The following ADAM18 variants were observed in gnomAD, a reference collection of about 807,000 sequenced individuals.
ADAM18 encodes the protein ADAM metallopeptidase domain 18.
In ADAM18, 117 loss-of-function variants were observed where a neutral mutation model predicts 94.4. The ratio of observed to expected loss-of-function variants is 1.24; its 90% CI spans 1.07 to 1.45. ADAM18 has a LOEUF of 1.45. Among genes scored for constraint, ADAM18 ranks in the 40% most tolerant of loss-of-function variants. The pLI, the probability that ADAM18 is intolerant of heterozygous loss-of-function variation, is 0.00. For synonymous variants in ADAM18, 327 were observed against 291.6 expected, an observed-to-expected ratio of 1.12 and a Z score of -1.24; for missense variants, 936 against 880.0, an observed-to-expected ratio of 1.06 and a Z score of -0.81.
intron 14 of ADAM18, among the ~76,000 whole-genome samples, chr8:39,670,185 G>A (rs984638132): frequency 6.6e-6 from 1 of 152,020 alleles, no homozygotes; most frequent in Non-Finnish European, 1.5e-5. Flanking sequence ...TTGTAAATTT[G>A]TTTGAGTTCA....
intron 2 of ADAM18, among the ~76,000 whole-genome samples, chr8:39,596,773 T>C (rs1385555555): frequency 6.6e-6 from 1 of 152,232 alleles, no homozygotes; most frequent in Non-Finnish European, 1.5e-5. Flanking sequence ...AGCTGATCTA[T>C]TATTTTGCAT....
At chr8:39,726,484 C>T (rs1431015972) in intron 19 of ADAM18, among the ~76,000 whole-genome samples, 5 of 151,950 alleles carry the variant, frequency 3.3e-5, no homozygotes, top group Admixed American at 3.3e-4. Context: ...TTTGCAAATA[C>T]TTTGTCTCAT....
At chr8:39,599,213 G>T (rs755103179) in intron 2 of ADAM18, among the ~76,000 whole-genome samples, 1 of 152,036 alleles carries the variant, frequency 6.6e-6, no homozygotes, top group African/African-American at 2.4e-5. Context: ...CAAGTGTTGC[G>T]TTACCTTTGC....
At chr8:39,704,046 G>C (rs1328295742) in intron 17 of ADAM18, among the ~76,000 whole-genome samples, 1 of 152,014 alleles carries the variant, frequency 6.6e-6, no homozygotes, top group African/African-American at 2.4e-5. Context: ...CCAATAACAA[G>C]CTCTGAAATT....
chr8:39,606,365 A>G lies in ADAM18; in HGVS notation c.188+3A>G. The G allele has an allele frequency of 6.5e-7, 1 of 1,540,716 alleles. No homozygotes were observed. Among genetic ancestry groups the G allele is most frequent in the Non-Finnish European group, 8.8e-7 (1 of 1,135,624 alleles). On this transcript the variant is annotated splice_donor_region_variant and intron_variant, in intron 3 of 19. Coordinates refer to ENST00000265707, the MANE Select transcript of ADAM18 (RefSeq NM_014237.3). ...TACACTCTACATCTCGGAAAACAGT[A>G]AGATATGATTTTTTTTTCATTAAGG...
At chr8:39,704,602 G>T (rs1585999219) in intron 17 of ADAM18, among the ~76,000 whole-genome samples, 1 of 152,014 alleles carries the variant, frequency 6.6e-6, no homozygotes. Flanking sequence ...TGTTTTGGCT[G>T]GGGGGACCCA....
chr8:39,612,587 C>T (rs889837313), intron 6 of ADAM18, among the ~76,000 whole-genome samples: 9 of 151,986 alleles, frequency 5.9e-5, no homozygotes, highest in Non-Finnish European at 1.3e-4. Flanking sequence ...GCGCTCATAC[C>T]CCAAGGCTCT....
chr8:39,666,149 C>T (rs193000747), intron 13 of ADAM18, among the ~76,000 whole-genome samples: 1 of 152,204 alleles, frequency 6.6e-6, no homozygotes, highest in Non-Finnish European at 1.5e-5. Context: ...GCCATCCTTC[C>T]ACCTCAGCCT....
intron 13 of ADAM18, among the ~76,000 whole-genome samples, chr8:39,664,469 CTGAG>C (rs1340110557): frequency 6.6e-6 from 1 of 152,086 alleles, no homozygotes; most frequent in Non-Finnish European, 1.5e-5. Flanking sequence ...CCCATGGATT[CTGAG>C]TGATGATTCT....
At chr8:39,695,500 T>A (rs1388961060) in intron 17 of ADAM18, among the ~76,000 whole-genome samples, 1 of 151,486 alleles carries the variant, frequency 6.6e-6, no homozygotes, top group Non-Finnish European at 1.5e-5. Context: ...ATGTTGAGCA[T>A]CTTTTATTAC....
At chr8:39,683,827 G>A (rs1276021520) in intron 16 of ADAM18, among the ~76,000 whole-genome samples, 1 of 151,920 alleles carries the variant, frequency 6.6e-6, no homozygotes, top group Non-Finnish European at 1.5e-5. Context: ...CTACTCTGTA[G>A]TTTGTTTTAC....
rs773492784 is a variant in ADAM18 at position 39,648,507 on chromosome 8, T to A, written c.1210T>A (p.Cys404Ser). 4 of 1,605,206 alleles carry A rather than the reference T, an allele frequency of 2.5e-6. No homozygotes were observed. The highest frequency in any genetic ancestry group is 3.4e-6 in the Non-Finnish European group (4 of 1,176,884). Reference sequence around the variant, plus strand: ...TGGGATTTTGGAATCCAATGAAGAATGTGACTGTGGTAATAAAAATGTGAG... The same window carrying A: ...TGGGATTTTGGAATCCAATGAAGAAAGTGACTGTGGTAATAAAAATGTGAG... ...GNGILESNEE[C>S]DCGNKNECQF... Residue 404 changes from cysteine (C) to serine (S), a missense_variant, in exon 12 of 20, where the codon TGT becomes AGT. By Grantham distance (112) the Cys-to-Ser change is moderately radical. Coordinates refer to ENST00000265707, the MANE Select transcript of ADAM18 (RefSeq NM_014237.3).
intron 2 of ADAM18, among the ~76,000 whole-genome samples, chr8:39,603,935 C>T (rs1057001100): frequency 1.3e-5 from 2 of 152,154 alleles, no homozygotes; most frequent in East Asian, 3.8e-4. Flanking sequence ...TTTTGATGTT[C>T]AACCTCACTA....
intron 9 of ADAM18, among the ~76,000 whole-genome samples, chr8:39,638,044 A>G (rs1820133296): frequency 6.6e-6 from 1 of 151,958 alleles, no homozygotes. Flanking sequence ...ATAAATTAAT[A>G]CATTTCATGT....
At chr8:39,727,220 G>T (rs1323611104) in intron 19 of ADAM18, among the ~76,000 whole-genome samples, 2 of 152,114 alleles carry the variant, frequency 1.3e-5, no homozygotes, top group Non-Finnish European at 2.9e-5. Context: ...TTTCCCCATT[G>T]TCTTGGATAT....
chr8:39,665,096 C>A (rs1053813201), intron 13 of ADAM18, among the ~76,000 whole-genome samples: 2 of 152,138 alleles, frequency 1.3e-5, no homozygotes, highest in Admixed American at 1.3e-4. Flanking sequence ...TATACTCAGT[C>A]CATGACTCCA....
chr8:39,615,352 CT>C, intron 6 of ADAM18, among the ~76,000 whole-genome samples: 1 of 152,100 alleles, frequency 6.6e-6, no homozygotes, highest in Non-Finnish European at 1.5e-5. Flanking sequence ...TCCTGAATGA[CT>C]TTTGGATAAA....
chr8:39,673,989 A>G (rs1386120087), intron 14 of ADAM18, among the ~76,000 whole-genome samples: 1 of 152,186 alleles, frequency 6.6e-6, no homozygotes. Context: ...TCTGAGAGAC[A>G]GTTCGTTGTG....
At chr8:39,622,183 G>C (rs1319315242) in intron 6 of ADAM18, among the ~76,000 whole-genome samples, 4 of 151,366 alleles carry the variant, frequency 2.6e-5, no homozygotes, top group South Asian at 2.1e-4. Flanking sequence ...TGACAAAACT[G>C]GTTGTTTTTC....
Sources: gnomAD v4.1 joint callset for allele counts (sites outside exome capture counted in the v4.1 genomes callset) on GRCh38, gnomAD v4.1.1 for gene constraint, MANE v1.5 for transcripts, NCBI Gene and HGNC (gene_info 2026-07-23, HGNC 2026-07-21) for gene names.